The following AGBL1 variants were observed in gnomAD, a reference collection of about 807,000 sequenced individuals.
The protein encoded by AGBL1 is AGBL carboxypeptidase 1.
In AGBL1, 130 loss-of-function variants were observed where a neutral mutation model predicts 118.9. The observed-to-expected ratio is 1.09, with a 90% CI of 0.95 to 1.26. AGBL1 has a LOEUF of 1.26. Among genes scored for constraint, AGBL1 ranks in the 50% most tolerant of loss-of-function variants. AGBL1 has a pLI of 0.00. For missense variants in AGBL1, 1,584 were observed against 1,298.1 expected (o/e 1.22, Z -3.38); for synonymous variants, 555 against 478.9 (o/e 1.16, Z -2.08).
intron 17 of AGBL1, among the ~76,000 whole-genome samples, chr15:86,321,500 G>T (rs925024919): frequency 5.3e-5 from 8 of 151,996 alleles, no homozygotes; most frequent in African/African-American, 1.9e-4. Context: ...CGGGTGCAGT[G>T]GCTTATGCCT....
intron 22 of AGBL1, among the ~76,000 whole-genome samples, chr15:86,866,830 T>C (rs2079637991): frequency 6.6e-6 from 1 of 152,196 alleles, no homozygotes; most frequent in Non-Finnish European, 1.5e-5. Flanking sequence ...ATCTCAAGCA[T>C]TTGTTAAATA....
chr15:86,827,279 A>G (rs1393667162), intron 22 of AGBL1, among the ~76,000 whole-genome samples: 1 of 121,162 alleles, frequency 8.3e-6, no homozygotes, highest in Non-Finnish European at 1.7e-5. Context: ...AGTGGGCCCA[A>G]TGGGTGTGTA....
chr15:86,084,675 G>A (rs1895513829), intron 1 of AGBL1, among the ~76,000 whole-genome samples: 1 of 152,196 alleles, frequency 6.6e-6, no homozygotes. Context: ...CTACAGTAGA[G>A]GAAGGCTTAT....
intron 21 of AGBL1, among the ~76,000 whole-genome samples, chr15:86,627,926 G>T (rs1337558079): frequency 6.6e-6 from 1 of 152,198 alleles, no homozygotes; most frequent in African/African-American, 2.4e-5. Context: ...ACAGCGTCCT[G>T]CCCATCAAAG....
At chr15:86,812,184 C>T (rs1044289188) in intron 22 of AGBL1, among the ~76,000 whole-genome samples, 1 of 152,144 alleles carries the variant, frequency 6.6e-6, no homozygotes, top group Admixed American at 6.5e-5. Context: ...CCTGTATACA[C>T]TTTACTTAGT....
intron 23 of AGBL1, among the ~76,000 whole-genome samples, chr15:86,923,256 CTG>C (rs1179170356): frequency 6.6e-6 from 1 of 152,220 alleles, no homozygotes; most frequent in Non-Finnish European, 1.5e-5. Flanking sequence ...ATTGAAAAGA[CTG>C]TCTCCTTCAG....
At chr15:86,714,719 G>C (rs953256363) in intron 22 of AGBL1, among the ~76,000 whole-genome samples, 3 of 152,036 alleles carry the variant, frequency 2.0e-5, no homozygotes, top group Non-Finnish European at 2.9e-5. Flanking sequence ...AGTCAACATG[G>C]CTCCCAAAAA....
At chr15:86,408,319 A>C (rs1428574528) in intron 18 of AGBL1, among the ~76,000 whole-genome samples, 1 of 152,208 alleles carries the variant, frequency 6.6e-6, no homozygotes, top group Non-Finnish European at 1.5e-5. Context: ...TCTCATTCCA[A>C]GGTTTCAGCT....
At chr15:86,258,780 C>G (rs1381241007) in intron 9 of AGBL1, among the ~76,000 whole-genome samples, 1 of 152,064 alleles carries the variant, frequency 6.6e-6, no homozygotes, top group Admixed American at 6.5e-5. Flanking sequence ...GATCTTGGCT[C>G]ACTGCAACCT....
chr15:87,020,606 C>T (rs1056069007), intron 24 of AGBL1, among the ~76,000 whole-genome samples: 1 of 152,074 alleles, frequency 6.6e-6, no homozygotes, highest in Admixed American at 6.6e-5. Flanking sequence ...ACTCCATTAT[C>T]TCCACCCAAA....
At chr15:86,518,334 A>G (rs765957213) in intron 18 of AGBL1, among the ~76,000 whole-genome samples, 9 of 151,248 alleles carry the variant, frequency 6.0e-5, no homozygotes, top group Non-Finnish European at 1.2e-4. Context: ...GAGATCCACA[A>G]TTAATGTTAA....
At chr15:86,561,973 A>G (rs1034499167) in intron 21 of AGBL1, among the ~76,000 whole-genome samples, 35 of 152,244 alleles carry the variant, frequency 2.3e-4, no homozygotes, top group African/African-American at 7.5e-4. Context: ...ATTGGTGTAT[A>G]AGAATGCTTG....
intron 19 of AGBL1, 110 bp from the exon 20 acceptor site, chr15:86,545,892 C>A: frequency 7.5e-7 from 1 of 1,330,464 alleles, no homozygotes. Flanking sequence ...AGAAAGTTGA[C>A]ATTGTAAACT....
At chr15:86,733,556 A>T (rs1018228740) in intron 22 of AGBL1, among the ~76,000 whole-genome samples, 1 of 152,202 alleles carries the variant, frequency 6.6e-6, no homozygotes, top group Non-Finnish European at 1.5e-5. Context: ...CCTGGCACTT[A>T]GTAACTATAA....
At chr15:86,259,807 C>G (rs559928014) in intron 9 of AGBL1, among the ~76,000 whole-genome samples, 1 of 152,222 alleles carries the variant, frequency 6.6e-6, no homozygotes, top group Non-Finnish European at 1.5e-5. Context: ...CTTGCTTGCT[C>G]TTTGATAACT....
intron 18 of AGBL1, among the ~76,000 whole-genome samples, chr15:86,515,847 G>A (rs953487393): frequency 5.9e-5 from 9 of 152,192 alleles, no homozygotes; most frequent in African/African-American, 1.7e-4. Flanking sequence ...TGTTAAGGAC[G>A]TGCCCGTGAC....
intron 1 of AGBL1, among the ~76,000 whole-genome samples, chr15:86,110,121 G>C (rs906012000): frequency 3.9e-5 from 6 of 152,220 alleles, no homozygotes; most frequent in African/African-American, 1.4e-4. Context: ...GGACTCCAAA[G>C]CTTTAGCTGC....
chr15:86,831,248 T>C (rs571828495), intron 22 of AGBL1, among the ~76,000 whole-genome samples: 21 of 152,278 alleles, frequency 1.4e-4, no homozygotes, highest in African/African-American at 5.1e-4. Context: ...AGCCAAACCA[T>C]ATCATTAAAC....
chr15:86,868,100 G>A (rs2079659033), intron 22 of AGBL1, among the ~76,000 whole-genome samples: 1 of 152,134 alleles, frequency 6.6e-6, no homozygotes, highest in Non-Finnish European at 1.5e-5. Flanking sequence ...TCTGTGAGAG[G>A]TCAGGATGTA....
Sources: gnomAD v4.1 joint callset for allele counts (sites outside exome capture counted in the v4.1 genomes callset) on GRCh38, gnomAD v4.1.1 for gene constraint, MANE v1.5 for transcripts, NCBI Gene and HGNC (gene_info 2026-07-23, HGNC 2026-07-21) for gene names.